Variants in CCDC66 observed in about 807,000 individuals in gnomAD.
The protein encoded by CCDC66 is coiled-coil domain-containing protein 66.
In CCDC66, 133 loss-of-function variants were observed where a neutral mutation model predicts 128.3. The observed-to-expected ratio is 1.04, with a 90% CI of 0.90 to 1.20. The LOEUF (loss-of-function observed/expected upper bound fraction) is 1.20, where lower values mean the gene tolerates loss of function less well. CCDC66 is among the 50% of genes most tolerant of loss of function. The probability of loss-of-function intolerance (pLI) is 0.00; values close to 1 mark genes in which losing one functional copy is unlikely to be tolerated. For synonymous variants in CCDC66, 387 were observed against 357.0 expected (o/e 1.08, Z -0.95); for missense variants, 1,126 against 1,075.5 (o/e 1.05, Z -0.66).
chr3:56,621,465 G>C, intron 17 of CCDC66, 67 bp from the exon 18 acceptor site: 1 of 1,073,902 alleles, frequency 9.3e-7, no homozygotes, highest in Non-Finnish European at 1.3e-6. Context: ...TATAATTCTA[G>C]TTTAACACAA....
chr3:56,559,562 T>A lies in CCDC66; in HGVS notation c.77-7T>A. ...GATAGTTTAGTAATTTCTTTTTTCT[T>A]TTGTAGAACATAAATCAAAAATTTC... On this transcript the variant is annotated splice_polypyrimidine_tract_variant and splice_region_variant and intron_variant, in intron 2 of 17. Coordinates refer to ENST00000394672, the MANE Select transcript of CCDC66 (RefSeq NM_001141947.3). 1 of 1,529,568 alleles carries A rather than the reference T, an allele frequency of 6.5e-7. No homozygotes were observed. 94.7% of individuals were successfully genotyped at this position (1,529,568 alleles called of 1,614,324 possible).
At chr3:56,592,838 A>G (rs2071166033) in intron 7 of CCDC66, 132 bp from the exon 8 acceptor site, 1 of 814,530 alleles carries the variant, frequency 1.2e-6, no homozygotes, top group African/African-American at 1.8e-5. Flanking sequence ...AATTCGTTTG[A>G]AGTTATTGCT....
At chr3:56,619,946 GTGGGCGGTTGGGGGAACCTGT>G in intron 17 of CCDC66, 45 bp downstream of exon 17, 1 of 1,587,152 alleles carries the variant, frequency 6.3e-7, no homozygotes, top group Non-Finnish European at 8.6e-7. Flanking sequence ...TTTATGTGGC[GTGGGCGGTTGGGGGAACCTGT>G]TGAACGGTTT....
intron 1 of CCDC66, 140 bp downstream of exon 1, chr3:56,557,393 A>T: frequency 6.0e-6 from 7 of 1,161,290 alleles, no homozygotes; most frequent in South Asian, 4.5e-5. Context: ...GGCAGAGCCC[A>T]GTTCTCGGGT....
intron 10 of CCDC66, among the ~76,000 whole-genome samples, chr3:56,598,068 G>A (rs981515772): frequency 1.7e-4 from 26 of 152,048 alleles, no homozygotes; most frequent in African/African-American, 6.3e-4. Context: ...GAGCCACTGT[G>A]CCAGTGGAGT....
intron 10 of CCDC66, among the ~76,000 whole-genome samples, chr3:56,613,197 T>C (rs1301155424): frequency 2.0e-5 from 3 of 152,182 alleles, no homozygotes; most frequent in Non-Finnish European, 4.4e-5. Flanking sequence ...AGCAGTGCTT[T>C]CATGTGGTCT....
intron 17 of CCDC66, chr3:56,621,159 CA>C (rs370427287): frequency 2.8e-5 from 4 of 142,586 alleles, no homozygotes; most frequent in Non-Finnish European, 4.5e-5. Flanking sequence ...ACTCCATCTC[CA>C]AAAAAAAACA....
chr3:56,605,571 T>TA (rs1284793073), intron 10 of CCDC66, among the ~76,000 whole-genome samples: 5 of 152,022 alleles, frequency 3.3e-5, no homozygotes, highest in African/African-American at 1.2e-4. Flanking sequence ...CCATTCCATA[T>TA]CCTGTTTGCC....
At chr3:56,599,426 ATTTC>A (rs776039804) in intron 10 of CCDC66, among the ~76,000 whole-genome samples, 1 of 151,472 alleles carries the variant, frequency 6.6e-6, no homozygotes, top group Non-Finnish European at 1.5e-5. Context: ...AGTGTTTGTT[ATTTC>A]TTTCCACTAA....
chr3:56,589,330 C>T (rs1351525097), intron 7 of CCDC66, among the ~76,000 whole-genome samples: 1 of 152,048 alleles, frequency 6.6e-6, no homozygotes, highest in Non-Finnish European at 1.5e-5. Flanking sequence ...ACTCCAGAAC[C>T]AAATGTGTTT....
chr3:56,602,293 A>C lies in CCDC66; in HGVS notation c.1404+8265A>C, dbSNP rs534295900. Among the ~76,000 whole-genome samples the C allele has an allele frequency of 1.2e-4, 18 of 152,148 alleles. No homozygotes were observed. In the South Asian group the frequency reaches 3.7e-3, roughly 32 times the overall value. ...ACGTTTACTGATTTCCATATGATGA[A>C]CCAGCCTTGCATCCCAGATATGAAG... On this transcript the variant is annotated intron_variant, in intron 10 of 17. Coordinates refer to ENST00000394672, the MANE Select transcript of CCDC66 (RefSeq NM_001141947.3).
chr3:56,574,560 A>G (rs1280721580), intron 7 of CCDC66, among the ~76,000 whole-genome samples: 1 of 151,790 alleles, frequency 6.6e-6, no homozygotes, highest in Admixed American at 6.6e-5. Context: ...GTCTCTCCAT[A>G]TAATTGGGAG....
At chr3:56,613,440 G>C (rs1217112776) in intron 10 of CCDC66, 149 bp from the exon 11 acceptor site, 1 of 784,110 alleles carries the variant, frequency 1.3e-6, no homozygotes, top group Non-Finnish European at 2.0e-6. Context: ...TTCTCTGTTA[G>C]ATCTACGTGA....
At chr3:56,566,834 G>A in intron 5 of CCDC66, 75 bp downstream of exon 5, 2 of 1,496,868 alleles carry the variant, frequency 1.3e-6, no homozygotes, top group South Asian at 2.5e-5. Flanking sequence ...ACTTGCATGT[G>A]AAATAGTTAC....
At position 56,566,977 on chromosome 3, in the gene CCDC66, A is replaced by G; in HGVS notation, c.738A>G (p.Ile246Met). The G allele has an allele frequency of 6.2e-7, 1 of 1,614,106 alleles. No homozygotes were observed. Among genetic ancestry groups the G allele is most frequent in the South Asian group, 1.1e-5 (1 of 91,080 alleles). Reference sequence around the variant, plus strand: ...AGAATGAATGGAAACCAGCTGATATATTCAGTACTCTGGGGGAAAGGGAAT... The same window carrying G: ...AGAATGAATGGAAACCAGCTGATATGTTCAGTACTCTGGGGGAAAGGGAAT... The part of the protein sequence containing the change: ...AIENEWKPAD[I>M]FSTLGERECD... The change falls in exon 6 of 18, where the codon ATA (isoleucine) becomes ATG (methionine). Residue 246 changes from isoleucine (I) to methionine (M), a missense_variant. Physicochemically the swap from Ile to Met is conservative, Grantham distance 10. Coordinates refer to ENST00000394672, the MANE Select transcript of CCDC66 (RefSeq NM_001141947.3).
Position 56,617,132 on chromosome 3 carries a change from T to C in CCDC66, c.1864T>C (p.Phe622Leu). ...TTTAGATGACTTAAATATAGGAATA[T>C]TCACCAATGCAGAATCACATTGTGG... ...VQTDDLNIGIFTNAESHCGSL... is the reference protein window; with the variant it reads ...VQTDDLNIGILTNAESHCGSL... The change falls in exon 14 of 18, where the codon TTC becomes CTC. Residue 622 changes from phenylalanine (F) to leucine (L), a missense_variant. Physicochemically the swap from Phe to Leu is conservative, Grantham distance 22. Transcript: ENST00000394672. 3 of 1,539,276 alleles carry C rather than the reference T, an allele frequency of 1.9e-6. No individual in the cohort carries two copies. Among genetic ancestry groups the C allele is most frequent in the Non-Finnish European group, 2.6e-6 (3 of 1,144,946 alleles).
intron 1 of CCDC66, 96 bp downstream of exon 1, chr3:56,557,349 C>T (rs2064446962): frequency 6.8e-7 from 1 of 1,476,236 alleles, no homozygotes; most frequent in Non-Finnish European, 9.1e-7. Flanking sequence ...GGAGTCTTTA[C>T]TGGAGAACGT....
intron 7 of CCDC66, among the ~76,000 whole-genome samples, chr3:56,575,050 G>T (rs2067171770): frequency 6.6e-6 from 1 of 151,768 alleles, no homozygotes; most frequent in African/African-American, 2.4e-5. Flanking sequence ...TCTTTTGGGT[G>T]TGTACTCAGA....
intron 4 of CCDC66, chr3:56,565,228 T>TGGTA (rs1045990804): frequency 5.1e-5 from 12 of 233,192 alleles, no homozygotes; most frequent in African/African-American, 3.6e-4. Flanking sequence ...ATCAAGATAT[T>TGGTA]TGTATTCCCC....
Sources: allele counts gnomAD v4.1 joint callset (sites outside exome capture counted in the v4.1 genomes callset), GRCh38; gene constraint gnomAD v4.1.1; transcripts MANE v1.5; gene names NCBI Gene and HGNC (gene_info 2026-07-23, HGNC 2026-07-21).